The following LRRC39 variants were observed in gnomAD, a reference collection of about 807,000 sequenced individuals.
LRRC39 encodes leucine-rich repeat-containing protein 39.
Under a neutral mutation model 39.7 loss-of-function variants are expected in LRRC39, and 35 were observed. The ratio of observed to expected loss-of-function variants is 0.88; its 90% CI spans 0.67 to 1.17. LRRC39 has a LOEUF of 1.17. Among genes scored for constraint, LRRC39 ranks in the 50% most tolerant of loss-of-function variants. The probability of loss-of-function intolerance (pLI) is 0.00; values close to 1 mark genes in which losing one functional copy is unlikely to be tolerated. For missense variants in LRRC39, 357 were observed against 385.8 expected (o/e 0.93, Z 0.62); for synonymous variants, 113 against 134.1 (o/e 0.84, Z 1.09).
At chr1:100,176,353 G>T (rs753265569) in intron 1 of LRRC39, among the ~76,000 whole-genome samples, 1 of 152,116 alleles carries the variant, frequency 6.6e-6, no homozygotes, top group African/African-American at 2.4e-5. Context: ...ACTTGAACCC[G>T]GGAGGCAGAG....
rs1658602524 is a variant in LRRC39 at position 100,158,221 on chromosome 1, T to A, written c.513+10A>T. On this transcript the variant is annotated intron_variant, in intron 6 of 9. Coordinates refer to ENST00000370137, the MANE Select transcript of LRRC39 (RefSeq NM_144620.4). ...GAAAATACAATCATAGGCATTTATGTCTTTCTAACCTCTTGTGGAAGATCA... is the reference window on the plus strand; with the variant it reads ...GAAAATACAATCATAGGCATTTATGACTTTCTAACCTCTTGTGGAAGATCA... The A allele has an allele frequency of 1.2e-6, 2 of 1,612,728 alleles. No individual in the cohort carries two copies. The highest frequency in any genetic ancestry group is 1.7e-6 in the Non-Finnish European group (2 of 1,179,506).
At chr1:100,158,802 C>T (rs1338411787) in intron 5 of LRRC39, among the ~76,000 whole-genome samples, 2 of 151,940 alleles carry the variant, frequency 1.3e-5, no homozygotes, top group Non-Finnish European at 2.9e-5. Flanking sequence ...TTCCTTTTCC[C>T]AGTCTGTGTC....
chr1:100,170,908 A>T (rs1659555069), intron 2 of LRRC39, among the ~76,000 whole-genome samples: 1 of 152,176 alleles, frequency 6.6e-6, no homozygotes, highest in Non-Finnish European at 1.5e-5. Flanking sequence ...ACTGAGGAAG[A>T]TATACTATGC....
intron 9 of LRRC39, chr1:100,149,560 G>A: frequency 1.1e-6 from 1 of 874,804 alleles, no homozygotes; most frequent in Non-Finnish European, 1.7e-6. Flanking sequence ...AAGTTGATTA[G>A]CTATCTCATA....
At position 100,168,494 on chromosome 1, in the gene LRRC39, G is replaced by T. The variant is rs767157088; in HGVS notation, c.23C>A (p.Thr8Asn). 8 of 1,610,170 alleles carry T rather than the reference G, an allele frequency of 5.0e-6. No individual in the cohort carries two copies. In the African/African-American group the frequency reaches 1.1e-4, roughly 22 times the overall value. ...TTCCTTTACAGCATTGACAGCCCCA[G>T]TACAAACCACATTTTCTGTCATGAT... is the stretch of plus-strand genomic sequence containing the variant. Reference protein sequence around the residue: MTENVVCTGAVNAVKEVW... With the variant: MTENVVCNGAVNAVKEVW... Residue 8 changes from threonine (T) to asparagine (N), a missense_variant, in exon 3 of 10, where the codon ACT (threonine) becomes AAT (asparagine). Physicochemically the swap from Thr to Asn is moderately conservative, Grantham distance 65 (BLOSUM62 0). Transcript: ENST00000370137.
chr1:100,167,343 C>A (rs1026328653), intron 3 of LRRC39, among the ~76,000 whole-genome samples: 1 of 152,114 alleles, frequency 6.6e-6, no homozygotes, highest in Non-Finnish European at 1.5e-5. Context: ...AAAAAGCTGA[C>A]TTTTAAAAGA....
intron 9 of LRRC39, among the ~76,000 whole-genome samples, chr1:100,151,159 A>G (rs1657978241): frequency 6.6e-6 from 1 of 151,362 alleles, no homozygotes; most frequent in Non-Finnish European, 1.5e-5. Flanking sequence ...AAGACTGCCA[A>G]AATTAGAAAT....
chr1:100,149,505 A>G, intron 9 of LRRC39: 1 of 1,386,746 alleles, frequency 7.2e-7, no homozygotes, highest in Non-Finnish European at 9.8e-7. Context: ...AGAACTTCCA[A>G]AAAGATACTT....
chr1:100,153,122 A>C (rs978611481), intron 8 of LRRC39, among the ~76,000 whole-genome samples: 4 of 152,130 alleles, frequency 2.6e-5, no homozygotes, highest in African/African-American at 9.7e-5. Flanking sequence ...GTTTCTGCAT[A>C]ATTTATATAC....
chr1:100,157,975 A>G lies in LRRC39; in HGVS notation c.513+256T>C, dbSNP rs1045853725. On this transcript the variant is annotated intron_variant, in intron 6 of 9. Coordinates refer to ENST00000370137, the MANE Select transcript of LRRC39 (RefSeq NM_144620.4). ...CCCTCAATTCTGAGACTATAATACAACTCTCACCCTGGCCTTCAAGGAGAT... is the reference window on the plus strand; with the variant it reads ...CCCTCAATTCTGAGACTATAATACAGCTCTCACCCTGGCCTTCAAGGAGAT... 2.6e-5 allele frequency among the ~76,000 whole-genome samples: 4 copies of G among 152,056 alleles called. No individual in the cohort carries two copies. The South Asian group carries it at 6.2e-4, about 24-fold the overall frequency.
chr1:100,161,862 G>T (rs1261277772), intron 3 of LRRC39, among the ~76,000 whole-genome samples: 1 of 152,092 alleles, frequency 6.6e-6, no homozygotes, highest in Non-Finnish European at 1.5e-5. Flanking sequence ...GCCCAGGCTG[G>T]TCTCAAACCC....
At chr1:100,153,147 T>C (rs1658181401) in intron 8 of LRRC39, among the ~76,000 whole-genome samples, 1 of 148,202 alleles carries the variant, frequency 6.7e-6, no homozygotes, top group South Asian at 2.1e-4. Context: ...ATCTTACTTA[T>C]CATTGTGTCT....
chr1:100,171,490 T>C (rs1016482652), intron 2 of LRRC39, among the ~76,000 whole-genome samples: 1 of 151,788 alleles, frequency 6.6e-6, no homozygotes, highest in African/African-American at 2.4e-5. Context: ...ACACACTTTT[T>C]TTTTTCTTTC....
chr1:100,151,297 CATCTT>C (rs1325901933), intron 9 of LRRC39, among the ~76,000 whole-genome samples: 1 of 152,104 alleles, frequency 6.6e-6, no homozygotes, highest in Non-Finnish European at 1.5e-5. Flanking sequence ...TCCCTTTTCT[CATCTT>C]CATTCAATTA....
intron 9 of LRRC39, chr1:100,149,594 A>G: frequency 1.7e-6 from 1 of 577,494 alleles, no homozygotes; most frequent in Non-Finnish European, 2.9e-6. Context: ...CATTTTTTAT[A>G]TATGTAGGCA....
chr1:100,154,264 T>C (rs554009495), intron 8 of LRRC39, among the ~76,000 whole-genome samples: 2 of 152,282 alleles, frequency 1.3e-5, no homozygotes, highest in Middle Eastern at 6.8e-3. Flanking sequence ...TGCAAAACAA[T>C]TGGCAATTTT....
Position 100,149,714 on chromosome 1 carries a change from C to A in LRRC39, c.953-617G>T. Reference sequence around the variant, plus strand: ...AATTTAGGCCTTATTTAACTCATGACTGGTTTCTATGCACAAGAAAATACT... The same window carrying A: ...AATTTAGGCCTTATTTAACTCATGAATGGTTTCTATGCACAAGAAAATACT... On this transcript the variant is annotated intron_variant, in intron 9 of 9. Coordinates refer to ENST00000370137, the MANE Select transcript of LRRC39 (RefSeq NM_144620.4). The A allele has an allele frequency of 7.7e-6, 2 of 261,422 alleles. 1 individual carries two copies. Among genetic ancestry groups the A allele is most frequent in the South Asian group, 1.0e-4 (2 of 19,070 alleles). The allele number at this position is 261,422 out of a possible 1,614,324, so 16.2% of individuals were successfully genotyped here.
chr1:100,148,874 A>T lies in LRRC39; in HGVS notation c.*168T>A. ...TTCCACCAAAAAAAATTTTTTAATT[A>T]TATTTTTATATCAAAAAAATATATA... On this transcript the variant is annotated 3_prime_UTR_variant, in exon 10 of 10. Coordinates refer to ENST00000370137, the MANE Select transcript of LRRC39 (RefSeq NM_144620.4). 1 of 1,177,034 alleles carries T rather than the reference A, an allele frequency of 8.5e-7. No homozygotes were observed. The highest frequency in any genetic ancestry group is 1.1e-6 in the Non-Finnish European group (1 of 904,790). The allele number at this position is 1,177,034 out of a possible 1,614,324, so 72.9% of individuals were successfully genotyped here.
At chr1:100,170,407 G>C (rs562583414) in intron 2 of LRRC39, among the ~76,000 whole-genome samples, 244 of 152,228 alleles carry the variant, frequency 1.6e-3, no homozygotes, top group African/African-American at 5.5e-3. Context: ...CCACATATAT[G>C]ATCTCATTTA....
Sources: gnomAD v4.1 joint callset for allele counts (sites outside exome capture counted in the v4.1 genomes callset) on GRCh38, gnomAD v4.1.1 for gene constraint, MANE v1.5 for transcripts, NCBI Gene and HGNC (gene_info 2026-07-23, HGNC 2026-07-21) for gene names.